Variants in PCDH10 observed in about 807,000 individuals in gnomAD.
The protein encoded by PCDH10 is protocadherin 10.
In PCDH10, 15 loss-of-function variants were observed where a neutral mutation model predicts 74.4. The ratio of observed to expected loss-of-function variants is 0.20; its 90% CI spans 0.13 to 0.31. PCDH10 has a LOEUF of 0.31. Ranked by LOEUF, PCDH10 falls within the 10% of genes least tolerant of loss-of-function variation. PCDH10 has a pLI of 1.00. For synonymous variants in PCDH10, 619 were observed against 589.8 expected (o/e 1.05, Z -0.72); for missense variants, 1,260 against 1,390.2 (o/e 0.91, Z 1.49).
intron 4 of PCDH10, among the ~76,000 whole-genome samples, chr4:133,168,266 A>T (rs1008324877): frequency 6.6e-6 from 1 of 151,410 alleles, no homozygotes; most frequent in South Asian, 2.1e-4. Flanking sequence ...GTTGTTTTAT[A>T]TATAAATATC....
intron 4 of PCDH10, among the ~76,000 whole-genome samples, chr4:133,176,888 C>G (rs965503475): frequency 9.9e-5 from 15 of 151,792 alleles, no homozygotes; most frequent in Admixed American, 6.6e-4. Context: ...ACTCATTTTT[C>G]AAGCAACAGA....
At position 133,154,166 on chromosome 4, in the gene PCDH10, G is replaced by C; in HGVS notation, c.2632-141G>C. On this transcript the variant is annotated intron_variant, in intron 1 of 4. Coordinates refer to ENST00000264360, the MANE Select transcript of PCDH10 (RefSeq NM_032961.3). ...CCCTGCCCTTACACAGCAATCACTAGGATGAGGTTTTAGGAGAGCTTGGAA... is the reference window on the plus strand; with the variant it reads ...CCCTGCCCTTACACAGCAATCACTACGATGAGGTTTTAGGAGAGCTTGGAA... The C allele has an allele frequency of 6.4e-6, 4 of 629,176 alleles. No individual in the cohort carries two copies. The South Asian group carries it at 8.0e-5, about 13-fold the overall frequency. 39.0% of individuals were successfully genotyped at this position (629,176 alleles called of 1,614,324 possible).
chr4:133,156,083 A>G (rs532263198), intron 3 of PCDH10, among the ~76,000 whole-genome samples: 1 of 152,176 alleles, frequency 6.6e-6, no homozygotes, highest in South Asian at 2.1e-4. Flanking sequence ...TAATATAACC[A>G]TAGAGTGATA....
At chr4:133,202,805 G>A (rs1727929204) in intron 2 of PCDH10, among the ~76,000 whole-genome samples, 1 of 152,146 alleles carries the variant, frequency 6.6e-6, no homozygotes, top group Non-Finnish European at 1.5e-5. Flanking sequence ...GCTCCATCAT[G>A]TATAATGGTG....
At position 133,150,404 on chromosome 4, in the gene PCDH10, C is replaced by G. The variant is rs1380421203; in HGVS notation, c.264C>G (p.Ser88Arg). Residue 88 changes from serine to arginine, a missense_variant, in exon 1 of 5, where the codon AGC becomes AGG. Physicochemically the swap from Ser to Arg is moderately radical, Grantham distance 110 (BLOSUM62 -1). This residue lies in a region of PCDH10 where 63 missense variants were observed against 100.7 expected (regional missense o/e 0.63). Coordinates refer to ENST00000264360, the MANE Select transcript of PCDH10 (RefSeq NM_032961.3). ...KIDREQICKQ[S>R]PSCVLHLEVF... ...ACCGCGAACAAATCTGCAAACAGAG[C>G]CCCTCCTGTGTCCTGCACCTGGAGG... 19 of 1,613,992 alleles carry G rather than the reference C, an allele frequency of 1.2e-5. No individual in the cohort carries two copies. The highest frequency in any genetic ancestry group is 1.6e-5 in the Non-Finnish European group (19 of 1,179,990).
intron 4 of PCDH10, among the ~76,000 whole-genome samples, chr4:133,175,479 GA>G (rs1474170389): frequency 6.6e-6 from 1 of 151,988 alleles, no homozygotes; most frequent in African/African-American, 2.4e-5. Flanking sequence ...TGGAGTATAG[GA>G]AAATGCTTAT....
intron 4 of PCDH10, among the ~76,000 whole-genome samples, chr4:133,168,962 TA>T (rs1437155342): frequency 2.6e-5 from 4 of 151,778 alleles, no homozygotes; most frequent in African/African-American, 9.7e-5. Context: ...TAATTCAAGC[TA>T]TTGAAATGCA....
At chr4:133,158,653 A>G (rs1726909978) in intron 3 of PCDH10, among the ~76,000 whole-genome samples, 1 of 152,174 alleles carries the variant, frequency 6.6e-6, no homozygotes, top group African/African-American at 2.4e-5. Flanking sequence ...GCATTAAGCC[A>G]GTGCATTACT....
At position 133,163,067 on chromosome 4, in the gene PCDH10, G is replaced by C. The variant is rs1318202748; in HGVS notation, c.2888G>C (p.Gly963Ala). The C allele has an allele frequency of 6.2e-7, 1 of 1,614,160 alleles. No homozygotes were observed. The highest frequency in any genetic ancestry group is 8.5e-7 in the Non-Finnish European group (1 of 1,180,020). ...CWMPSFVPSD[G>A]RQAADYRSNL... ...ATGCCTTCTTTTGTCCCTTCTGATG[G>C]ACGCCAGGCTGCTGATTATCGCAGC... The change falls in exon 4 of 5, where the codon GGA becomes GCA. Residue 963 changes from glycine (G) to alanine (A), a missense_variant. Around this residue, in one of 11 missense-constraint regions of PCDH10, gnomAD observed 136 missense variants for 149.3 expected, o/e 0.91. Transcript: ENST00000264360.
At chr4:133,158,684 C>T (rs188966287) in intron 3 of PCDH10, among the ~76,000 whole-genome samples, 60 of 152,184 alleles carry the variant, frequency 3.9e-4, no homozygotes, top group African/African-American at 1.4e-3. Context: ...CAATAGAATT[C>T]TTGGTTTATT....
rs896211150 is a variant in PCDH10, at chr4:133,192,324, T to C, written c.*2164T>C. The C allele has an allele frequency of 2.6e-5, 4 of 151,582 alleles. No individual in the cohort carries two copies. Among genetic ancestry groups the C allele is most frequent in the African/African-American group, 9.7e-5 (4 of 41,390 alleles). 9.4% of individuals were successfully genotyped at this position (151,582 alleles called of 1,614,324 possible). A position where few individuals can be genotyped will look rare whatever the true frequency, so the allele number is the denominator to read the frequency against. The stretch of plus-strand genomic sequence containing the variant: ...AAAGTCTGTTTGTTCCAACTCTTTT[T>C]TTTAGCAAGAAAATGATTTTCTTGT... On this transcript the variant is annotated 3_prime_UTR_variant, in exon 5 of 5. Coordinates refer to ENST00000264360, the MANE Select transcript of PCDH10 (RefSeq NM_032961.3).
downstream of PCDH10, among the ~76,000 whole-genome samples, chr4:133,199,142 G>A (rs1727851054): frequency 6.6e-6 from 1 of 151,488 alleles, no homozygotes; most frequent in Admixed American, 6.6e-5. Context: ...AAAAAATTTA[G>A]CCGGGAGTAG....
chr4:133,178,319 C>T (rs950228459), intron 4 of PCDH10, among the ~76,000 whole-genome samples: 21 of 151,960 alleles, frequency 1.4e-4, no homozygotes, highest in African/African-American at 5.1e-4. Flanking sequence ...TCACTGCAAC[C>T]TCTGCCTCCC....
chr4:133,172,414 T>A (rs1727220752), intron 4 of PCDH10, among the ~76,000 whole-genome samples: 1 of 152,042 alleles, frequency 6.6e-6, no homozygotes, highest in Admixed American at 6.6e-5. Context: ...GTAGCAGTTT[T>A]TTTATTTTAA....
At chr4:133,183,687 TA>T (rs1399015184) in intron 4 of PCDH10, among the ~76,000 whole-genome samples, 1 of 152,158 alleles carries the variant, frequency 6.6e-6, no homozygotes, top group Non-Finnish European at 1.5e-5. Flanking sequence ...GAAGTAAATT[TA>T]TTCATTGCAC....
intron 3 of PCDH10, 112 bp downstream of exon 3, chr4:133,155,135 A>G: frequency 1.4e-6 from 1 of 695,414 alleles, no homozygotes; most frequent in Non-Finnish European, 2.6e-6. Flanking sequence ...TAATGCTGGT[A>G]ACTCTACAGA....
intron 4 of PCDH10, among the ~76,000 whole-genome samples, chr4:133,168,436 C>A (rs1210560645): frequency 2.6e-5 from 4 of 151,392 alleles, no homozygotes; most frequent in Admixed American, 6.6e-5. Flanking sequence ...TTCATAGTTT[C>A]TTTTATCAAT....
chr4:133,158,856 T>G (rs1726912913), intron 3 of PCDH10, among the ~76,000 whole-genome samples: 1 of 152,034 alleles, frequency 6.6e-6, no homozygotes, highest in Non-Finnish European at 1.5e-5. Context: ...GATTTATAAC[T>G]GGAGGCAATA....
At position 133,150,238 on chromosome 4, in the gene PCDH10, T is replaced by C. The variant is rs1578554314; in HGVS notation, c.98T>C (p.Phe33Ser). The part of the protein sequence containing the change: ...TVQEEQEHGT[F>S]VGNIAEDLGL... ...CAGGAGGAGCAGGAACATGGCACTT[T>C]CGTGGGGAATATCGCTGAAGATCTG... The change falls in exon 1 of 5, where the codon TTC becomes TCC. Residue 33 changes from phenylalanine (F) to serine (S), a missense_variant. Physicochemically the swap from Phe to Ser is radical, Grantham distance 155. Transcript: ENST00000264360. The C allele has an allele frequency of 2.5e-6, 4 of 1,613,966 alleles. No individual in the cohort carries two copies. The highest frequency in any genetic ancestry group is 1.1e-5 in the South Asian group (1 of 91,040).
Sources: allele counts gnomAD v4.1 joint callset (sites outside exome capture counted in the v4.1 genomes callset), GRCh38; gene constraint gnomAD v4.1.1; regional missense constraint gnomAD v4.1.1; transcripts MANE v1.5; gene names NCBI Gene and HGNC (gene_info 2026-07-23, HGNC 2026-07-21).